Variants in ZNF804B observed in about 807,000 individuals in gnomAD.
ZNF804B encodes the protein zinc finger 804B.
In ZNF804B, 80 loss-of-function variants were observed where a neutral mutation model predicts 101.4. That is an observed-to-expected ratio of 0.79 (90% CI 0.66 to 0.95). ZNF804B has a LOEUF of 0.95. Ranked by LOEUF, ZNF804B falls within the 40% of genes least tolerant of loss-of-function variation. The pLI is 0.00. For synonymous variants in ZNF804B, 622 were observed against 558.8 expected (o/e 1.11, Z -1.59); for missense variants, 1,673 against 1,561.9 (o/e 1.07, Z -1.20).
intron 1 of ZNF804B, among the ~76,000 whole-genome samples, chr7:89,016,180 G>T (rs1346030156): frequency 2.0e-5 from 3 of 151,992 alleles, no homozygotes; most frequent in African/African-American, 7.2e-5. Context: ...TTTTTGATGG[G>T]GTTGTTTGTT....
intron 1 of ZNF804B, among the ~76,000 whole-genome samples, chr7:88,879,947 G>A (rs972935497): frequency 3.3e-5 from 5 of 151,994 alleles, no homozygotes; most frequent in African/African-American, 9.7e-5. Flanking sequence ...ACTGAGGCAG[G>A]AGAATTGCTT....
At chr7:89,067,115 C>T (rs1426992172) in intron 1 of ZNF804B, among the ~76,000 whole-genome samples, 2 of 152,120 alleles carry the variant, frequency 1.3e-5, no homozygotes, top group African/African-American at 2.4e-5. Flanking sequence ...AGCTGATAAG[C>T]TACCGATCAA....
intron 1 of ZNF804B, among the ~76,000 whole-genome samples, chr7:88,960,515 G>A (rs755828682): frequency 4.0e-4 from 60 of 150,552 alleles, no homozygotes; most frequent in Non-Finnish European, 7.5e-4. Flanking sequence ...AAGGAGAAAC[G>A]TAGAAATAAG....
intron 1 of ZNF804B, among the ~76,000 whole-genome samples, chr7:88,893,321 A>T (rs1409791828): frequency 6.6e-6 from 1 of 152,124 alleles, no homozygotes; most frequent in African/African-American, 2.4e-5. Context: ...GGACATACTT[A>T]TCTGAACATC....
intron 1 of ZNF804B, among the ~76,000 whole-genome samples, chr7:89,148,033 A>G (rs1328654565): frequency 6.6e-6 from 1 of 152,042 alleles, no homozygotes; most frequent in Non-Finnish European, 1.5e-5. Context: ...ATTGTCTTTC[A>G]TGAAACCAAT....
intron 2 of ZNF804B, among the ~76,000 whole-genome samples, chr7:89,232,961 G>A (rs917222023): frequency 2.6e-5 from 4 of 151,508 alleles, no homozygotes; most frequent in Non-Finnish European, 5.9e-5. Context: ...TCGCTCTGTC[G>A]CCCAGGCTGG....
At chr7:89,077,440 A>G (rs1023427969) in intron 1 of ZNF804B, among the ~76,000 whole-genome samples, 4 of 152,304 alleles carry the variant, frequency 2.6e-5, no homozygotes, top group African/African-American at 4.8e-5. Flanking sequence ...CTTAATTACA[A>G]TCTTATTTAG....
chr7:89,136,802 G>A (rs1044973194), intron 1 of ZNF804B, among the ~76,000 whole-genome samples: 9 of 151,410 alleles, frequency 5.9e-5, no homozygotes, highest in African/African-American at 2.2e-4. Context: ...TGTCCCCACC[G>A]ATATCTCATC....
chr7:89,118,623 T>C (rs947506474), intron 1 of ZNF804B, among the ~76,000 whole-genome samples: 12 of 152,352 alleles, frequency 7.9e-5, no homozygotes, highest in African/African-American at 2.6e-4. Context: ...CTCATACTTT[T>C]AATGTTATTA....
chr7:89,054,169 T>A (rs1283396667), intron 1 of ZNF804B, among the ~76,000 whole-genome samples: 1 of 151,832 alleles, frequency 6.6e-6, no homozygotes, highest in Non-Finnish European at 1.5e-5. Context: ...CCTGGTTCTC[T>A]CCTGCTGTGT....
At chr7:89,040,850 C>T (rs56153106) in intron 1 of ZNF804B, among the ~76,000 whole-genome samples, 4,338 of 152,210 alleles carry the variant, frequency 0.029, 228 homozygotes, top group African/African-American at 0.099. Context: ...GGTGTTGGGA[C>T]AGGGCCTAGA....
intron 1 of ZNF804B, among the ~76,000 whole-genome samples, chr7:88,922,971 G>T (rs1372342986): frequency 6.6e-6 from 1 of 151,898 alleles, no homozygotes; most frequent in Admixed American, 6.6e-5. Context: ...ATCCAATTCT[G>T]CTAATTAAGT....
chr7:89,072,589 A>G (rs1347685773), intron 1 of ZNF804B, among the ~76,000 whole-genome samples: 1 of 152,166 alleles, frequency 6.6e-6, no homozygotes, highest in Non-Finnish European at 1.5e-5. Flanking sequence ...GAGTATATGA[A>G]TAAGTTGTAT....
chr7:88,976,452 A>G (rs1423772295), intron 1 of ZNF804B, among the ~76,000 whole-genome samples: 1 of 151,384 alleles, frequency 6.6e-6, no homozygotes, highest in Non-Finnish European at 1.5e-5. Context: ...TTTTCAATGT[A>G]GAGATTTTTT....
At chr7:89,259,990 TAAAAAG>T (rs1453272513) in intron 2 of ZNF804B, among the ~76,000 whole-genome samples, 5 of 138,488 alleles carry the variant, frequency 3.6e-5, no homozygotes, top group Non-Finnish European at 6.4e-5. Context: ...GTCAAAAAAA[TAAAAAG>T]AGAGAGAGAG....
rs370408820 is a variant in ZNF804B at position 89,246,262 on chromosome 7, A to C, written c.249+27967A>C. ...ATGACAGCTGCAGTTTCTCCTGAAC[A>C]ATAAGACTTGCAGCCAGGAGCAGTT... On this transcript the variant is annotated intron_variant, in intron 2 of 3. Transcript: ENST00000333190. Among the ~76,000 whole-genome samples the C allele has an allele frequency of 2.4e-4, 36 of 152,316 alleles. No individual in the cohort carries two copies. The East Asian group carries it at 5.2e-3, about 22-fold the overall frequency.
At chr7:89,195,509 A>ACTG (rs1788532551) in intron 1 of ZNF804B, among the ~76,000 whole-genome samples, 1 of 149,348 alleles carries the variant, frequency 6.7e-6, no homozygotes, top group Non-Finnish European at 1.5e-5. Flanking sequence ...TACAAAATCA[A>ACTG]TGTACAAAAA....
At chr7:88,997,697 G>A (rs1236880243) in intron 1 of ZNF804B, among the ~76,000 whole-genome samples, 2 of 152,000 alleles carry the variant, frequency 1.3e-5, no homozygotes, top group African/African-American at 4.8e-5. Flanking sequence ...CATATCTGTG[G>A]TACTAATTTT....
intron 2 of ZNF804B, among the ~76,000 whole-genome samples, chr7:89,310,633 C>A (rs1409205350): frequency 1.3e-5 from 2 of 152,180 alleles, no homozygotes; most frequent in African/African-American, 2.4e-5. Flanking sequence ...GCAATATTCT[C>A]AGCAGCAGGC....
Sources: gnomAD v4.1 joint callset for allele counts (sites outside exome capture counted in the v4.1 genomes callset) on GRCh38, gnomAD v4.1.1 for gene constraint, MANE v1.5 for transcripts, NCBI Gene and HGNC (gene_info 2026-07-23, HGNC 2026-07-21) for gene names.